ANK3: variants seen among roughly 807,000 people sequenced by gnomAD.
The protein encoded by ANK3 is ankyrin-3.
ANK3 carries 57 observed loss-of-function variants against 370.9 expected under a neutral mutation model. The observed-to-expected ratio is 0.15, with a 90% confidence interval of 0.12 to 0.19. The LOEUF (loss-of-function observed/expected upper bound fraction) is 0.19, where lower values mean the gene tolerates loss of function less well. Ranked by LOEUF, ANK3 falls within the 10% of genes least tolerant of loss-of-function variation. ANK3 has a pLI of 1.00. For missense variants in ANK3, 4,439 were observed against 5,302.1 expected (o/e 0.84, Z 5.06); for synonymous variants, 1,929 against 1,946.3 (o/e 0.99, Z 0.23).
chr10:60,067,391 G>T (rs532331853), intron 38 of ANK3, among the ~76,000 whole-genome samples: 1 of 152,092 alleles, frequency 6.6e-6, no homozygotes, highest in South Asian at 2.1e-4. Context: ...AAATATTTGG[G>T]CAGAAAAGTG....
intron 42 of ANK3, among the ~76,000 whole-genome samples, chr10:60,049,432 C>G (rs981343047): frequency 6.6e-6 from 1 of 151,998 alleles, no homozygotes; most frequent in Non-Finnish European, 1.5e-5. Context: ...ATTAAAAATA[C>G]AAAAATTAGC....
chr10:60,273,852 G>C (rs1566161773), intron 4 of ANK3, among the ~76,000 whole-genome samples: 2 of 152,178 alleles, frequency 1.3e-5, no homozygotes, highest in Admixed American at 6.6e-5. Context: ...TGTAAAATGT[G>C]ACTTTGCTCC....
chr10:60,117,326 C>T (rs946300848), intron 25 of ANK3, among the ~76,000 whole-genome samples: 1 of 152,008 alleles, frequency 6.6e-6, no homozygotes, highest in Non-Finnish European at 1.5e-5. Flanking sequence ...TGCAGTGGAC[C>T]TACAAGGAAT....
At chr10:60,491,044 T>G (rs2075486795) in intron 2 of ANK3, among the ~76,000 whole-genome samples, 1 of 152,218 alleles carries the variant, frequency 6.6e-6, no homozygotes, top group Admixed American at 6.5e-5. Flanking sequence ...TATACCCTTT[T>G]GTATCTGGCT....
At position 60,571,055 on chromosome 10, in the gene ANK3, G is replaced by GTTTT. The variant is rs35835220; in HGVS notation, c.96+44127_96+44130dup. On this transcript the variant is annotated intron_variant, in intron 2 of 43. Coordinates refer to the ANK3 transcript ENST00000373827. ...TTATAAACATGAGCAAACCTGACAGGTTTTTTTTTTTTTTTTTTGAGACCA... is the reference window on the plus strand; with the variant it reads ...TTATAAACATGAGCAAACCTGACAGGTTTTTTTTTTTTTTTTTTTTTTGAGACCA... Among the ~76,000 whole-genome samples, 351 of 133,542 alleles carry GTTTT rather than the reference G, an allele frequency of 2.6e-3. 2 individuals carry two copies. Among genetic ancestry groups the GTTTT allele is most frequent in the East Asian group, 0.016 (71 of 4,430 alleles). 87.6% of individuals were successfully genotyped at this position (133,542 alleles called of 152,430 possible). A position where few individuals can be genotyped will look rare whatever the true frequency, so the allele number is the denominator to read the frequency against.
In ANK3 at chr10:60,076,341, G is replaced by A. The variant is rs1040778793; in HGVS notation, c.4540C>T (p.Pro1514Ser). ...GTGAAGCCTGACTTGGCTGGCCCAG[G>A]CACTGTAATCGGAGCTGTTGTCCAG... ...QSWTTAPITVPGPAKSGFTSL... is the reference protein window; with the variant it reads ...QSWTTAPITVSGPAKSGFTSL... Residue 1514 changes from proline (P) to serine (S), a missense_variant, in exon 37 of 44, where the codon CCT becomes TCT. By Grantham distance (74) the Pro-to-Ser change is moderately conservative. Transcript: ENST00000280772. 3 of 1,613,936 alleles carry A rather than the reference G, an allele frequency of 1.9e-6. No homozygotes were observed. The highest frequency in any genetic ancestry group is 1.3e-5 in the African/African-American group (1 of 74,918).
At chr10:60,559,034 TGA>T (rs1378164660) in intron 2 of ANK3, among the ~76,000 whole-genome samples, 1 of 152,210 alleles carries the variant, frequency 6.6e-6, no homozygotes. Context: ...TTATCAAATG[TGA>T]TAAGTAGCAC....
chr10:60,619,115 C>T (rs1435555226), intron 1 of ANK3, among the ~76,000 whole-genome samples: 3 of 152,040 alleles, frequency 2.0e-5, no homozygotes, highest in South Asian at 4.2e-4. Context: ...TAACAGGAAC[C>T]TCAGATCCTG....
At chr10:60,459,357 A>T (rs1426104826) in intron 2 of ANK3, among the ~76,000 whole-genome samples, 1 of 152,160 alleles carries the variant, frequency 6.6e-6, no homozygotes, top group Non-Finnish European at 1.5e-5. Flanking sequence ...ATGATCTGGC[A>T]GGTCGGGGAC....
At chr10:60,316,087 T>C (rs1329908649) in intron 1 of ANK3, among the ~76,000 whole-genome samples, 1 of 152,124 alleles carries the variant, frequency 6.6e-6, no homozygotes. Flanking sequence ...AAGGTTCCCC[T>C]GTGCCACAGC....
chr10:60,632,234 G>A (rs892468520), intron 1 of ANK3, among the ~76,000 whole-genome samples: 5 of 152,056 alleles, frequency 3.3e-5, no homozygotes, highest in Admixed American at 6.6e-5. Context: ...ATTTATTTAG[G>A]TAAAAACCAA....
At chr10:60,708,363 G>A (rs769743557) in intron 1 of ANK3, among the ~76,000 whole-genome samples, 2 of 152,114 alleles carry the variant, frequency 1.3e-5, no homozygotes, top group African/African-American at 2.4e-5. Context: ...CAACACCAAA[G>A]GTGAGAAAAC....
chr10:60,047,040 C>T (rs554055338), intron 42 of ANK3, among the ~76,000 whole-genome samples: 1 of 152,230 alleles, frequency 6.6e-6, no homozygotes, highest in African/African-American at 2.4e-5. Flanking sequence ...ATCTCCTGAC[C>T]TCGTGATCCA....
intron 2 of ANK3, among the ~76,000 whole-genome samples, chr10:60,564,834 T>G (rs2077420483): frequency 6.6e-6 from 1 of 152,210 alleles, no homozygotes; most frequent in South Asian, 2.1e-4. Context: ...AGTTAGTTTT[T>G]ATTCTTAAGA....
At chr10:60,157,691 A>G (rs969590025) in intron 23 of ANK3, among the ~76,000 whole-genome samples, 3 of 152,028 alleles carry the variant, frequency 2.0e-5, no homozygotes, top group African/African-American at 7.2e-5. Context: ...CAGTTTCTCA[A>G]TAGCAGAATG....
At chr10:60,289,106 G>A (rs989875778) in intron 1 of ANK3, among the ~76,000 whole-genome samples, 5 of 151,998 alleles carry the variant, frequency 3.3e-5, no homozygotes, top group Non-Finnish European at 7.4e-5. Flanking sequence ...GACCTAGGGG[G>A]GCTAGCTGTG....
At chr10:60,283,557 G>A (rs1296423132) in intron 1 of ANK3, among the ~76,000 whole-genome samples, 3 of 152,094 alleles carry the variant, frequency 2.0e-5, no homozygotes, top group Non-Finnish European at 4.4e-5. Flanking sequence ...TCCTCTGGGT[G>A]ACCAAAATCT....
intron 9 of ANK3, among the ~76,000 whole-genome samples, chr10:60,210,459 C>T (rs1429143835): frequency 6.6e-6 from 1 of 151,712 alleles, no homozygotes; most frequent in Non-Finnish European, 1.5e-5. Flanking sequence ...AAGGCGTATT[C>T]TAGGAAGTAA....
chr10:60,465,771 T>C (rs1457899998), intron 2 of ANK3, among the ~76,000 whole-genome samples: 2 of 149,822 alleles, frequency 1.3e-5, no homozygotes, highest in Non-Finnish European at 3.0e-5. Context: ...AATAGTTTTC[T>C]TTTTCTTTTT....
Sources: allele counts gnomAD v4.1 joint callset (sites outside exome capture counted in the v4.1 genomes callset), GRCh38; gene constraint gnomAD v4.1.1; transcripts MANE v1.5; gene names NCBI Gene and HGNC (gene_info 2026-07-23, HGNC 2026-07-21).